The following ZNF713 variants were observed in gnomAD, a reference collection of about 807,000 sequenced individuals.
ZNF713 encodes zinc finger protein 713.
ZNF713 carries 21 observed loss-of-function variants against 28.7 expected under a neutral mutation model. The observed-to-expected ratio is 0.73, with a 90% confidence interval of 0.52 to 1.05. The LOEUF (loss-of-function observed/expected upper bound fraction) is 1.05, where lower values mean the gene tolerates loss of function less well. Ranked by LOEUF, ZNF713 falls within the 50% of genes least tolerant of loss-of-function variation. The pLI, the probability that ZNF713 is intolerant of heterozygous loss-of-function variation, is 0.00. For synonymous variants in ZNF713, 167 were observed against 178.0 expected (o/e 0.94, Z 0.49); for missense variants, 458 against 532.4 (o/e 0.86, Z 1.37).
intron 4 of ZNF713, among the ~76,000 whole-genome samples, chr7:55,915,681 GAAATT>G (rs1785870731): frequency 6.6e-6 from 1 of 152,164 alleles, no homozygotes; most frequent in South Asian, 2.1e-4. Context: ...GTATATTTGA[GAAATT>G]AAAAGAAGAC....
intron 6 of ZNF713, among the ~76,000 whole-genome samples, chr7:55,929,557 A>G (rs1353592405): frequency 6.6e-6 from 1 of 152,162 alleles, no homozygotes; most frequent in African/African-American, 2.4e-5. Context: ...ATAAACTCCA[A>G]AGGAAACAGA....
rs746461507 is a variant in ZNF713 at position 55,940,028 on chromosome 7, T to A, written c.*22T>A. 3.3e-6 allele frequency: 5 copies of A among 1,526,096 alleles called. No individual in the cohort carries two copies. The Admixed American group carries it at 8.6e-5, about 26-fold the overall frequency. 94.5% of individuals were successfully genotyped at this position (1,526,096 alleles called of 1,614,324 possible). A position where few individuals can be genotyped will look rare whatever the true frequency, so the allele number is the denominator to read the frequency against. Reference sequence around the variant, plus strand: ...ATAACTTATGGTGGGGGAAATCAGATAAATATATAAATGTAGGAGATTTTT... The same window carrying A: ...ATAACTTATGGTGGGGGAAATCAGAAAAATATATAAATGTAGGAGATTTTT... On this transcript the variant is annotated 3_prime_UTR_variant, in exon 7 of 7. Transcript: ENST00000429591.
At chr7:55,918,585 A>G (rs778999563) in intron 4 of ZNF713, among the ~76,000 whole-genome samples, 3 of 152,252 alleles carry the variant, frequency 2.0e-5, no homozygotes, top group Non-Finnish European at 2.9e-5. Context: ...AGGCGAGTTA[A>G]TGGAAAACTA....
At chr7:55,920,218 G>A (rs1785969391) in intron 4 of ZNF713, among the ~76,000 whole-genome samples, 1 of 152,162 alleles carries the variant, frequency 6.6e-6, no homozygotes, top group South Asian at 2.1e-4. Flanking sequence ...ATCTACTCCT[G>A]GTGAAGATGC....
At chr7:55,888,472 G>T (rs1264420856) in intron 1 of ZNF713, among the ~76,000 whole-genome samples, 1 of 152,104 alleles carries the variant, frequency 6.6e-6, no homozygotes, top group East Asian at 1.9e-4. Context: ...AGCCTCAAAC[G>T]CCTGGGCTCA....
intron 6 of ZNF713, among the ~76,000 whole-genome samples, chr7:55,933,682 C>A (rs370045618): frequency 2.6e-5 from 4 of 152,076 alleles, no homozygotes; most frequent in South Asian, 4.2e-4. Flanking sequence ...CATGCATAAA[C>A]TAATTTTTGT....
chr7:55,933,162 A>G (rs1015121494), intron 6 of ZNF713, among the ~76,000 whole-genome samples: 1 of 150,572 alleles, frequency 6.6e-6, no homozygotes, highest in Non-Finnish European at 1.5e-5. Context: ...ATTTAAACCC[A>G]GGAGGCAGAG....
At chr7:55,901,264 G>A (rs984122718) in intron 1 of ZNF713, among the ~76,000 whole-genome samples, 1 of 152,148 alleles carries the variant, frequency 6.6e-6, no homozygotes, top group Non-Finnish European at 1.5e-5. Flanking sequence ...GAGAGAGAGA[G>A]AGAGAGCTTA....
At chr7:55,903,595 A>G (rs532408774) in intron 1 of ZNF713, among the ~76,000 whole-genome samples, 16 of 149,504 alleles carry the variant, frequency 1.1e-4, no homozygotes, top group Non-Finnish European at 1.9e-4. Context: ...TGAACCTAGG[A>G]GGCAGAGATT....
At chr7:55,896,384 C>T (rs1785472340) in intron 1 of ZNF713, among the ~76,000 whole-genome samples, 1 of 151,970 alleles carries the variant, frequency 6.6e-6, no homozygotes, top group Admixed American at 6.6e-5. Context: ...GTGTTTCTCA[C>T]AAGGGTATGA....
chr7:55,894,771 G>T (rs1785444255), intron 1 of ZNF713, among the ~76,000 whole-genome samples: 3 of 152,140 alleles, frequency 2.0e-5, no homozygotes. Context: ...ATAAGTTTTG[G>T]TTATTGCATG....
At chr7:55,912,182 C>T (rs1234680986) in intron 3 of ZNF713, 114 bp downstream of exon 3, 1 of 154,322 alleles carries the variant, frequency 6.5e-6, no homozygotes, top group African/African-American at 2.4e-5. Flanking sequence ...GAATTCATTC[C>T]TTGTGGGGAT....
intron 6 of ZNF713, 103 bp from the exon 7 acceptor site, chr7:55,938,879 C>A: frequency 8.2e-7 from 1 of 1,219,824 alleles, no homozygotes; most frequent in Non-Finnish European, 1.1e-6. Flanking sequence ...GTACACATTA[C>A]TGTCAGTTTT....
intron 4 of ZNF713, among the ~76,000 whole-genome samples, chr7:55,913,195 CTTTTTTTTT>C (rs66851959): frequency 3.4e-5 from 3 of 88,140 alleles, no homozygotes; most frequent in Admixed American, 2.7e-4. Flanking sequence ...GTTTTGATTC[CTTTTTTTTT>C]TTTTTTTTTT....
intron 1 of ZNF713, among the ~76,000 whole-genome samples, chr7:55,888,737 A>ACATACATGCGTG (rs1196189288): frequency 1.5e-5 from 1 of 65,676 alleles, no homozygotes; most frequent in Non-Finnish European, 2.6e-5. Flanking sequence ...ACATATACGT[A>ACATACATGCGTG]CATACATACA....
Position 55,923,688 on chromosome 7 carries a change from A to G in ZNF713, c.296A>G (p.Asp99Gly), listed in dbSNP as rs1271237235. 6 of 1,611,852 alleles carry G rather than the reference A, an allele frequency of 3.7e-6. No homozygotes were observed. Among genetic ancestry groups the G allele is most frequent in the Non-Finnish European group, 5.1e-6 (6 of 1,178,846 alleles). ...EWVIERDSLL[D>G]THPDGENRPE... is the part of the protein sequence containing the mutation. ...GTGATAGAAAGAGACAGCCTGCTGG[A>G]TACTCATCCAGGTAAGTGCACACTC... The change falls in exon 6 of 7, where the codon GAT becomes GGT. Residue 99 changes from aspartate to glycine, a missense_variant. Coordinates refer to ENST00000429591, the MANE Select transcript of ZNF713 (RefSeq NM_182633.3).
intron 6 of ZNF713, among the ~76,000 whole-genome samples, chr7:55,937,932 G>A (rs953859850): frequency 1.3e-4 from 19 of 151,518 alleles, no homozygotes; most frequent in South Asian, 2.1e-4. Flanking sequence ...GGCCGGGCAC[G>A]GTGGCTCATG....
intron 1 of ZNF713, among the ~76,000 whole-genome samples, chr7:55,890,118 G>A (rs1210048279): frequency 1.3e-5 from 2 of 152,086 alleles, no homozygotes; most frequent in African/African-American, 2.4e-5. Flanking sequence ...GGACACTACT[G>A]CTATTGGATT....
At chr7:55,933,928 G>A (rs1241078224) in intron 6 of ZNF713, among the ~76,000 whole-genome samples, 5 of 151,870 alleles carry the variant, frequency 3.3e-5, no homozygotes, top group Admixed American at 3.3e-4. Context: ...CTGGTCTTGA[G>A]CTCCTGGGCT....
Sources: gnomAD v4.1 joint callset for allele counts (sites outside exome capture counted in the v4.1 genomes callset) on GRCh38, gnomAD v4.1.1 for gene constraint, MANE v1.5 for transcripts, NCBI Gene and HGNC (gene_info 2026-07-23, HGNC 2026-07-21) for gene names.